HFM1: variants seen among roughly 807,000 people sequenced by gnomAD.
The protein encoded by HFM1 is helicase for meiosis 1.
HFM1 carries 169 observed loss-of-function variants against 192.1 expected under a neutral mutation model. That is an observed-to-expected ratio of 0.88 (90% confidence interval 0.78 to 1.00). The LOEUF is 1.00. Ranked by LOEUF, HFM1 falls within the 50% of genes least tolerant of loss-of-function variation. HFM1 has a pLI of 0.00. For missense variants in HFM1, 1,661 were observed against 1,668.0 expected (o/e 1.00, Z 0.07); for synonymous variants, 525 against 537.8 (o/e 0.98, Z 0.33).
In HFM1 at chr1:91,277,534, TTA is replaced by T. The variant is rs201917596; in HGVS notation, c.3392-474_3392-473del. 1.3e-3 allele frequency among the ~76,000 whole-genome samples: 185 copies of T among 138,680 alleles called. 3 individuals are homozygous for T. In the East Asian group the frequency reaches 0.022, roughly 16 times the overall value. 91.0% of individuals were successfully genotyped at this position (138,680 alleles called of 152,430 possible). Reference sequence around the variant, plus strand: ...GTGTGTGTGTGTGTGTGTGTATACTTTATATATATATAATATATATACTTTAA... The same window carrying T: ...GTGTGTGTGTGTGTGTGTGTATACTTTATATATATAATATATATACTTTAA... On this transcript the variant is annotated intron_variant, in intron 30 of 38. Transcript: ENST00000370425.
In HFM1 at chr1:91,352,629, C is replaced by A; in HGVS notation, c.1854G>T (p.Met618Ile). The A allele has an allele frequency of 6.2e-7, 1 of 1,607,508 alleles. No homozygotes were observed. The highest frequency in any genetic ancestry group is 8.5e-7 in the Non-Finnish European group (1 of 1,176,700). ...CTAGGTGAGCAGGCAAATTTACTCC[C>A]ATAGCTAAAGTACTGGTAGTAACTG... ...PVLFTTSTLA[M>I]GVNLPAHLVV... Residue 618 changes from methionine to isoleucine, a missense_variant, in exon 16 of 39, where the codon ATG becomes ATT. Coordinates refer to ENST00000370425, the MANE Select transcript of HFM1 (RefSeq NM_001017975.6).
intron 30 of HFM1, among the ~76,000 whole-genome samples, chr1:91,289,986 G>A (rs1668546290): frequency 6.6e-6 from 1 of 152,098 alleles, no homozygotes; most frequent in African/African-American, 2.4e-5. Context: ...ATCCTTTACA[G>A]ACAAGCAAAT....
intron 30 of HFM1, among the ~76,000 whole-genome samples, chr1:91,300,937 C>A (rs1347512139): frequency 6.6e-6 from 1 of 152,058 alleles, no homozygotes; most frequent in Non-Finnish European, 1.5e-5. Context: ...CTGGCCAGGG[C>A]AATCAGGCAG....
At chr1:91,300,874 C>T (rs1410291710) in intron 30 of HFM1, among the ~76,000 whole-genome samples, 1 of 152,114 alleles carries the variant, frequency 6.6e-6, no homozygotes, top group African/African-American at 2.4e-5. Flanking sequence ...AAAACTGGCA[C>T]AAGACAAGGA....
intron 13 of HFM1, among the ~76,000 whole-genome samples, chr1:91,357,669 TA>T (rs1438457959): frequency 2.6e-5 from 4 of 152,230 alleles, no homozygotes; most frequent in Non-Finnish European, 5.9e-5. Context: ...AAACTATCTT[TA>T]TTTGCAGACA....
At chr1:91,300,289 T>C (rs942178433) in intron 30 of HFM1, among the ~76,000 whole-genome samples, 9 of 152,166 alleles carry the variant, frequency 5.9e-5, no homozygotes, top group Non-Finnish European at 1.3e-4. Context: ...GAGGCAATAA[T>C]TAATAGCTTA....
chr1:91,344,207 C>T lies in HFM1; in HGVS notation c.2255-697G>A, dbSNP rs182577875. Among the ~76,000 whole-genome samples, 338 of 152,282 alleles carry T rather than the reference C, an allele frequency of 2.2e-3. 3 individuals are homozygous for T. The highest frequency in any genetic ancestry group is 7.7e-3 in the African/African-American group (318 of 41,560). On this transcript the variant is annotated intron_variant, in intron 19 of 38. Coordinates refer to ENST00000370425, the MANE Select transcript of HFM1 (RefSeq NM_001017975.6). ...TTGTAGTAATCTGCTGCTGACAGTT[C>T]CTTCTCTGCCTCATGCTATAGTCCA...
intron 4 of HFM1, among the ~76,000 whole-genome samples, chr1:91,388,834 A>G (rs984105524): frequency 3.3e-5 from 5 of 152,222 alleles, no homozygotes; most frequent in African/African-American, 1.2e-4. Context: ...TGCGCTGCGA[A>G]GAACACCATC....
intron 30 of HFM1, among the ~76,000 whole-genome samples, chr1:91,302,367 C>G (rs672449): frequency 0.7 from 105,902 of 151,482 alleles, 37,266 homozygotes; most frequent in East Asian, 0.83. Flanking sequence ...TTGTGGAAGT[C>G]AGTGTGGCGA....
intron 11 of HFM1, among the ~76,000 whole-genome samples, chr1:91,376,851 T>C (rs1049585236): frequency 1.3e-5 from 2 of 151,880 alleles, no homozygotes; most frequent in Non-Finnish European, 2.9e-5. Flanking sequence ...ATAACATTTA[T>C]TGAAAGAAGC....
At chr1:91,379,873 G>A (rs1288250345) in intron 8 of HFM1, among the ~76,000 whole-genome samples, 1 of 151,932 alleles carries the variant, frequency 6.6e-6, no homozygotes, top group Admixed American at 6.6e-5. Flanking sequence ...CATTTTGCCT[G>A]TCCTTTAAAA....
intron 4 of HFM1, among the ~76,000 whole-genome samples, chr1:91,391,941 T>C (rs1392544783): frequency 6.6e-6 from 1 of 152,150 alleles, no homozygotes; most frequent in Non-Finnish European, 1.5e-5. Flanking sequence ...GCAAAGGATA[T>C]GAACAGACGA....
intron 13 of HFM1, among the ~76,000 whole-genome samples, chr1:91,361,133 G>C (rs1403377709): frequency 1.3e-5 from 2 of 151,116 alleles, no homozygotes; most frequent in Non-Finnish European, 2.9e-5. Flanking sequence ...TCAACTAAAA[G>C]AACTAGAGAA....
intron 20 of HFM1, among the ~76,000 whole-genome samples, chr1:91,326,615 A>C (rs987993043): frequency 2.0e-5 from 3 of 152,250 alleles, no homozygotes; most frequent in Admixed American, 6.5e-5. Context: ...GAAATGTTCA[A>C]GGAAGCTCTT....
At chr1:91,339,597 G>GA (rs1300949091) in intron 20 of HFM1, among the ~76,000 whole-genome samples, 10 of 151,446 alleles carry the variant, frequency 6.6e-5, no homozygotes, top group Admixed American at 1.3e-4. Flanking sequence ...GAAAAATACA[G>GA]AAAAAAGAAT....
chr1:91,400,924 T>C (rs1247541333), intron 2 of HFM1, 88 bp downstream of exon 2: 6 of 576,858 alleles, frequency 1.0e-5, no homozygotes, highest in Non-Finnish European at 1.8e-5. Context: ...TTTATTTGTA[T>C]ATTTACCAGA....
chr1:91,378,219 G>A, intron 10 of HFM1, 36 bp from the exon 11 acceptor site: 1 of 1,465,544 alleles, frequency 6.8e-7, no homozygotes, highest in Non-Finnish European at 9.3e-7. Context: ...ATTAGCTATA[G>A]AATTAAAAAT....
chr1:91,314,155 A>C, intron 28 of HFM1, 95 bp from the exon 29 acceptor site: 1 of 673,154 alleles, frequency 1.5e-6, no homozygotes, highest in Non-Finnish European at 2.5e-6. Flanking sequence ...GATACTCTCT[A>C]GTAGTAAACT....
At position 91,306,893 on chromosome 1, in the gene HFM1, C is replaced by A. The variant is rs77759690; in HGVS notation, c.3391+6456G>T. ...TATCAGACTACTCAGATTTTATTTT[C>A]TTCTGTCAGTTTTGGTAAGCTTTGC... On this transcript the variant is annotated intron_variant, in intron 30 of 38. Transcript: ENST00000370425. Among the ~76,000 whole-genome samples the A allele has an allele frequency of 1.8e-3, 280 of 152,194 alleles. 2 individuals carry two copies. In the East Asian group the frequency reaches 0.031, roughly 17 times the overall value.
Sources: gnomAD v4.1 joint callset for allele counts (sites outside exome capture counted in the v4.1 genomes callset) on GRCh38, gnomAD v4.1.1 for gene constraint, MANE v1.5 for transcripts, NCBI Gene and HGNC (gene_info 2026-07-23, HGNC 2026-07-21) for gene names.